The following FGF12 variants were observed in gnomAD, a reference collection of about 807,000 sequenced individuals.
FGF12 encodes fibroblast growth factor 12B.
Under a neutral mutation model 23.6 loss-of-function variants are expected in FGF12, and 14 were observed. The ratio of observed to expected loss-of-function variants is 0.59; its 90% CI spans 0.39 to 0.93. The LOEUF is 0.93. Among genes scored for constraint, FGF12 ranks in the 40% least tolerant of loss-of-function variants. The pLI is 0.00. For synonymous variants in FGF12, 62 were observed against 77.3 expected, an observed-to-expected ratio of 0.80 and a Z score of 1.04; for missense variants, 175 against 217.8, an observed-to-expected ratio of 0.80 and a Z score of 1.24.
chr3:192,477,666 G>A (rs1244157805), intron 2 of FGF12, among the ~76,000 whole-genome samples: 1 of 152,092 alleles, frequency 6.6e-6, no homozygotes, highest in African/African-American at 2.4e-5. Flanking sequence ...AGTCAAGTCT[G>A]GCCCCAAAAT....
chr3:192,568,389 G>C (rs13099788), intron 2 of FGF12, among the ~76,000 whole-genome samples: 79,610 of 151,968 alleles, frequency 0.52, 21,502 homozygotes, highest in South Asian at 0.7. Flanking sequence ...CTACCCTTCC[G>C]TGTGTTTAGT....
intron 4 of FGF12, among the ~76,000 whole-genome samples, chr3:192,321,122 G>A (rs944372805): frequency 2.0e-5 from 3 of 151,880 alleles, no homozygotes; most frequent in African/African-American, 7.2e-5. Flanking sequence ...ACAAAAAAAG[G>A]AGACATTACA....
intron 2 of FGF12, among the ~76,000 whole-genome samples, chr3:192,612,461 A>G (rs1398197357): frequency 1.3e-5 from 2 of 151,934 alleles, no homozygotes; most frequent in Non-Finnish European, 2.9e-5. Context: ...TTCATATTCA[A>G]TTGATGATAT....
intron 2 of FGF12, among the ~76,000 whole-genome samples, chr3:192,521,616 A>G (rs539443464): frequency 1.4e-4 from 22 of 152,212 alleles, no homozygotes; most frequent in African/African-American, 5.1e-4. Flanking sequence ...TATCACCTGA[A>G]CACGTCTCTG....
chr3:192,195,154 T>G (rs1162771684), intron 4 of FGF12, among the ~76,000 whole-genome samples: 1 of 152,254 alleles, frequency 6.6e-6, no homozygotes. Flanking sequence ...ACTCTCATTT[T>G]GAAGTGGGAA....
At chr3:192,150,592 G>T (rs201746529) in intron 5 of FGF12, among the ~76,000 whole-genome samples, 36,253 of 123,010 alleles carry the variant, frequency 0.29, 5,978 homozygotes, top group Middle Eastern at 0.32. Context: ...CCATTGCTTG[G>T]TTTTCTCAGG....
chr3:192,687,289 C>A (rs777927845), intron 2 of FGF12, among the ~76,000 whole-genome samples: 10 of 151,464 alleles, frequency 6.6e-5, no homozygotes, highest in Non-Finnish European at 1.2e-4. Flanking sequence ...GAGTGATGGC[C>A]ATGTGACTTG....
chr3:192,660,992 A>T (rs1503585), intron 2 of FGF12, among the ~76,000 whole-genome samples: 2,004 of 151,086 alleles, frequency 0.013, 15 homozygotes, highest in African/African-American at 0.024. Context: ...TTTAAAAAAA[A>T]AATAATAATT....
At chr3:192,326,015 C>G (rs903266394) in intron 4 of FGF12, among the ~76,000 whole-genome samples, 3 of 152,070 alleles carry the variant, frequency 2.0e-5, no homozygotes, top group African/African-American at 7.2e-5. Context: ...TCCAGACAGC[C>G]AGTGAATTAT....
intron 4 of FGF12, among the ~76,000 whole-genome samples, chr3:192,291,958 T>C (rs150161903): frequency 1.6e-4 from 25 of 152,318 alleles, no homozygotes; most frequent in Admixed American, 3.9e-4. Context: ...ATTGGGATCA[T>C]GCAGCTAACC....
At chr3:192,660,992 A>ACAAT (rs199626926) in intron 2 of FGF12, among the ~76,000 whole-genome samples, 1 of 150,974 alleles carries the variant, frequency 6.6e-6, no homozygotes, top group African/African-American at 2.4e-5. Flanking sequence ...TTTAAAAAAA[A>ACAAT]AATAATAATT....
At chr3:192,704,157 C>T (rs1718390000) in intron 2 of FGF12, among the ~76,000 whole-genome samples, 1 of 152,192 alleles carries the variant, frequency 6.6e-6, no homozygotes, top group South Asian at 2.1e-4. Context: ...TTGCCCAGAT[C>T]CATCAGAGGA....
At chr3:192,253,728 G>A (rs375141599) in intron 4 of FGF12, among the ~76,000 whole-genome samples, 1 of 151,802 alleles carries the variant, frequency 6.6e-6, no homozygotes, top group South Asian at 2.1e-4. Flanking sequence ...TGAGACTCTC[G>A]GCATAAAAAG....
At chr3:192,281,386 G>A (rs1714133946) in intron 4 of FGF12, among the ~76,000 whole-genome samples, 1 of 152,050 alleles carries the variant, frequency 6.6e-6, no homozygotes, top group Non-Finnish European at 1.5e-5. Context: ...TCATTGGATG[G>A]AGGGCCCACT....
At position 192,514,341 on chromosome 3, in the gene FGF12, A is replaced by G. The variant is rs1724589957; in HGVS notation, c.14-153803T>C. Among the ~76,000 whole-genome samples the G allele has an allele frequency of 6.6e-6, 1 of 152,230 alleles. No homozygotes were observed. The highest frequency in any genetic ancestry group is 1.5e-5 in the Non-Finnish European group (1 of 68,034). On this transcript the variant is annotated intron_variant, in intron 2 of 5. Transcript: ENST00000445105. This position sits in a 1 kb window ranked among gnomAD's most constrained non-coding sequence, Gnocchi z 4.9. ...CTCCAAGTCGCGCGCCGCCCTCGCAAATCGCAGAGAGGGCCGCGAGAAGGT... is the reference window on the plus strand; with the variant it reads ...CTCCAAGTCGCGCGCCGCCCTCGCAGATCGCAGAGAGGGCCGCGAGAAGGT...
At chr3:192,204,685 A>G (rs1289292857) in intron 4 of FGF12, among the ~76,000 whole-genome samples, 1 of 152,110 alleles carries the variant, frequency 6.6e-6, no homozygotes, top group Non-Finnish European at 1.5e-5. Flanking sequence ...CAGGAGTTTG[A>G]GACCAGCCTG....
chr3:192,585,393 T>C (rs1713331384), intron 2 of FGF12, among the ~76,000 whole-genome samples: 1 of 152,070 alleles, frequency 6.6e-6, no homozygotes, highest in Non-Finnish European at 1.5e-5. Flanking sequence ...GAGTGAGGGG[T>C]GGGAGCAGTT....
rs576513120 is a variant in FGF12, at chr3:192,307,093, C to T, written c.228+28268G>A. On this transcript the variant is annotated intron_variant, in intron 4 of 5. Coordinates refer to ENST00000445105, the MANE Select transcript of FGF12 (RefSeq NM_004113.6). The stretch of plus-strand genomic sequence containing the variant: ...GTGTTATGTGAAAAATAATAATTTT[C>T]GCAAACACTTTTACAGCACTTACCA... Among the ~76,000 whole-genome samples the T allele has an allele frequency of 4.1e-4, 62 of 152,186 alleles. 1 individual carries two copies. The highest frequency in any genetic ancestry group is 1.4e-3 in the African/African-American group (59 of 41,508).
At chr3:192,299,110 A>C (rs1715202878) in intron 4 of FGF12, among the ~76,000 whole-genome samples, 1 of 152,224 alleles carries the variant, frequency 6.6e-6, no homozygotes, top group African/African-American at 2.4e-5. Flanking sequence ...ATATCCAATC[A>C]ATATCAGTGA....
Sources: gnomAD v4.1 joint callset for allele counts (sites outside exome capture counted in the v4.1 genomes callset) on GRCh38, gnomAD v4.1.1 for gene constraint, Gnocchi (gnomAD v3.1) non-coding constraint, MANE v1.5 for transcripts, NCBI Gene and HGNC (gene_info 2026-07-23, HGNC 2026-07-21) for gene names.